The following MYPN variants were observed in gnomAD, a reference collection of about 807,000 sequenced individuals.
The protein encoded by MYPN is sarcomeric protein myopalladin, 145 kDa (MYOP).
MYPN carries 63 observed loss-of-function variants against 129.4 expected under a neutral mutation model. That is an observed-to-expected ratio of 0.49 (90% CI 0.40 to 0.60). MYPN has a LOEUF of 0.60. Ranked by LOEUF, MYPN falls within the 20% of genes least tolerant of loss-of-function variation. The pLI is 0.00. For missense variants in MYPN, 1,596 were observed against 1,635.4 expected (o/e 0.98, Z 0.42); for synonymous variants, 629 against 600.9 (o/e 1.05, Z -0.68).
intron 12 of MYPN, among the ~76,000 whole-genome samples, chr10:68,181,905 C>G (rs553501450): frequency 3.3e-4 from 50 of 152,112 alleles, no homozygotes; most frequent in African/African-American, 1.1e-3. Context: ...TAATCTCCCT[C>G]GCTAAACTTG....
At chr10:68,109,462 A>T (rs1284746426), upstream of MYPN, 1 of 453,932 alleles carries the variant, frequency 2.2e-6, no homozygotes, top group Non-Finnish European at 4.4e-6. Context: ...CATGGTTTAT[A>T]CAGCTCAAAA....
In MYPN at chr10:68,185,520, A is replaced by C. The variant is rs550979412; in HGVS notation, c.2704-3385A>C. 3.3e-5 allele frequency among the ~76,000 whole-genome samples: 5 copies of C among 152,180 alleles called. No individual in the cohort carries two copies. In the East Asian group the frequency reaches 9.7e-4, roughly 29 times the overall value. On this transcript the variant is annotated intron_variant, in intron 12 of 19. Coordinates refer to ENST00000358913, the MANE Select transcript of MYPN (RefSeq NM_032578.4). ...TCTAGGCACTCCTCCTTATGAGCAC[A>C]GGCACCCAGTCCACACCCCTCCCCA...
chr10:68,133,624 T>C (rs926863903), intron 2 of MYPN, among the ~76,000 whole-genome samples: 4 of 152,040 alleles, frequency 2.6e-5, no homozygotes, highest in Non-Finnish European at 4.4e-5. Flanking sequence ...AGGAACTCTC[T>C]GGACATGCTC....
chr10:68,182,452 C>CATATATATATATAACATATATACAACAT (rs200132334), intron 12 of MYPN, among the ~76,000 whole-genome samples: 1 of 116,230 alleles, frequency 8.6e-6, no homozygotes, highest in South Asian at 2.7e-4. Context: ...ATATATATAA[C>CATATATATATATAACATATATACAACAT]ATATATATAT....
At chr10:68,153,755 A>G (rs1303922815) in intron 6 of MYPN, among the ~76,000 whole-genome samples, 5 of 152,162 alleles carry the variant, frequency 3.3e-5, no homozygotes, top group African/African-American at 1.2e-4. Flanking sequence ...CCAGTGATGG[A>G]TGGTATCATG....
chr10:68,128,567 G>T (rs946739401), intron 2 of MYPN, among the ~76,000 whole-genome samples: 5 of 152,084 alleles, frequency 3.3e-5, no homozygotes, highest in African/African-American at 1.2e-4. Context: ...AGACACTAAG[G>T]TTAAAGCAGC....
chr10:68,164,015 A>G (rs1210112122), intron 8 of MYPN, among the ~76,000 whole-genome samples: 1 of 152,194 alleles, frequency 6.6e-6, no homozygotes, highest in Non-Finnish European at 1.5e-5. Flanking sequence ...TCTTCAGAAC[A>G]TATGACCAAT....
intron 5 of MYPN, among the ~76,000 whole-genome samples, chr10:68,149,410 A>G (rs2042726969): frequency 1.3e-5 from 2 of 152,206 alleles, no homozygotes; most frequent in South Asian, 2.1e-4. Context: ...CTATCTAAAT[A>G]TACATATAAC....
At chr10:68,117,877 T>C (rs1025300441) in intron 1 of MYPN, among the ~76,000 whole-genome samples, 4 of 151,908 alleles carry the variant, frequency 2.6e-5, no homozygotes, top group African/African-American at 9.7e-5. Flanking sequence ...CTTCTACCTA[T>C]GATATGGCTA....
At chr10:68,129,120 G>C (rs1397695271) in intron 2 of MYPN, among the ~76,000 whole-genome samples, 1 of 152,028 alleles carries the variant, frequency 6.6e-6, no homozygotes, top group African/African-American at 2.4e-5. Context: ...CCTGCGACTT[G>C]ATGGACAGGC....
At chr10:68,089,373 G>A (rs564010119) in intron 1 of MYPN, among the ~76,000 whole-genome samples, 4 of 151,868 alleles carry the variant, frequency 2.6e-5, no homozygotes, top group East Asian at 1.9e-4. Flanking sequence ...TTTGAGACTC[G>A]CTCTGTCGCC....
At chr10:68,168,476 GCCCA>G (rs777030020) in intron 10 of MYPN, among the ~76,000 whole-genome samples, 28 of 152,164 alleles carry the variant, frequency 1.8e-4, no homozygotes, top group Non-Finnish European at 3.5e-4. Context: ...AGTGACTGCG[GCCCA>G]GGGAAATACA....
rs1021994218 is a variant in MYPN at position 68,174,521 on chromosome 10, G to C, written c.2429G>C (p.Arg810Pro). ...CCCAGCGGAAACCAGTTTCAGCCCC[G>C]CTGTGTGTCCCCAATTCCTGTCTCT... ...SIPSGNQFQP[R>P]CVSPIPVSPT... Residue 810 changes from arginine (R) to proline (P), a missense_variant, in exon 11 of 20, where the codon CGC becomes CCC. Transcript: ENST00000358913. 8 of 1,613,970 alleles carry C rather than the reference G, an allele frequency of 5.0e-6. No homozygotes were observed. Among genetic ancestry groups the C allele is most frequent in the Non-Finnish European group, 6.8e-6 (8 of 1,179,954 alleles).
chr10:68,161,012 A>T (rs1182992411), intron 7 of MYPN, among the ~76,000 whole-genome samples: 1 of 152,246 alleles, frequency 6.6e-6, no homozygotes, highest in Non-Finnish European at 1.5e-5. Context: ...ATATTTTATT[A>T]GGATATCAGA....
intron 2 of MYPN, among the ~76,000 whole-genome samples, chr10:68,129,793 C>A (rs1376063233): frequency 6.6e-6 from 1 of 152,124 alleles, no homozygotes; most frequent in African/African-American, 2.4e-5. Flanking sequence ...TGGAATATTG[C>A]ATTATACTTA....
intron 12 of MYPN, among the ~76,000 whole-genome samples, chr10:68,179,757 C>T (rs189795475): frequency 1.2e-4 from 18 of 151,864 alleles, no homozygotes; most frequent in Non-Finnish European, 2.5e-4. Context: ...ACTTCTCGGG[C>T]TCAAGTGATC....
rs550645596 is a variant in MYPN at position 68,117,856 on chromosome 10, T to C, written c.-1-3582T>C. Among the ~76,000 whole-genome samples the C allele has an allele frequency of 1.3e-4, 19 of 151,786 alleles. No individual in the cohort carries two copies. The South Asian group carries it at 3.5e-3, about 28-fold the overall frequency. ...GAATGTTTACTAAATCCCAAGCACA[T>C]TTAATCATCACTTCTACCTATGATA... On this transcript the variant is annotated intron_variant, in intron 1 of 19. Coordinates refer to ENST00000358913, the MANE Select transcript of MYPN (RefSeq NM_032578.4).
intron 12 of MYPN, 82 bp from the exon 13 acceptor site, chr10:68,188,823 A>G (rs2043462195): frequency 8.6e-7 from 1 of 1,163,396 alleles, no homozygotes; most frequent in Non-Finnish European, 1.3e-6. Flanking sequence ...TCTGAATCTT[A>G]AAAAGTGGCT....
At chr10:68,168,137 A>T (rs563512879) in intron 10 of MYPN, among the ~76,000 whole-genome samples, 9 of 152,242 alleles carry the variant, frequency 5.9e-5, no homozygotes, top group Non-Finnish European at 1.2e-4. Flanking sequence ...CCCATTCCAC[A>T]TCATGATCTG....
Sources: allele counts gnomAD v4.1 joint callset (sites outside exome capture counted in the v4.1 genomes callset), GRCh38; gene constraint gnomAD v4.1.1; transcripts MANE v1.5; gene names NCBI Gene and HGNC (gene_info 2026-07-23, HGNC 2026-07-21).